Variants in GALNT17 observed in about 807,000 individuals in gnomAD.
GALNT17 encodes the protein UDP-GalNAc:polypeptide N-acetylgalactosaminyltransferase-like 3.
In GALNT17, 29 loss-of-function variants were observed where a neutral mutation model predicts 63.7. The ratio of observed to expected loss-of-function variants is 0.46; its 90% confidence interval spans 0.34 to 0.62. The LOEUF (loss-of-function observed/expected upper bound fraction) is 0.62, where lower values mean the gene tolerates loss of function less well. Among genes scored for constraint, GALNT17 ranks in the 20% least tolerant of loss-of-function variants. The pLI is 0.01. For synonymous variants in GALNT17, 305 were observed against 318.3 expected (o/e 0.96, Z 0.45); for missense variants, 603 against 799.6 (o/e 0.75, Z 2.97).
chr7:71,188,188 C>T (rs901928478), intron 1 of GALNT17, among the ~76,000 whole-genome samples: 5 of 152,030 alleles, frequency 3.3e-5, no homozygotes, highest in African/African-American at 4.8e-5. Flanking sequence ...CTGCCATAAA[C>T]GTGTGTGCAA....
chr7:71,638,450 A>C (rs1790559003), intron 6 of GALNT17, among the ~76,000 whole-genome samples: 1 of 152,180 alleles, frequency 6.6e-6, no homozygotes, highest in Non-Finnish European at 1.5e-5. Context: ...ATCAAGTCTT[A>C]GAGTGGTAGA....
intron 1 of GALNT17, among the ~76,000 whole-genome samples, chr7:71,157,412 C>T (rs1788255823): frequency 6.6e-6 from 1 of 151,862 alleles, no homozygotes; most frequent in Non-Finnish European, 1.5e-5. Context: ...AATCCCAGCA[C>T]TTCGGGAGGC....
At chr7:71,240,498 G>C (rs1464505032) in intron 1 of GALNT17, among the ~76,000 whole-genome samples, 2 of 152,040 alleles carry the variant, frequency 1.3e-5, no homozygotes, top group Non-Finnish European at 2.9e-5. Context: ...CCATTGTTTA[G>C]ATCCCACTTA....
At chr7:71,496,754 A>T (rs1469831827) in intron 5 of GALNT17, among the ~76,000 whole-genome samples, 5 of 150,842 alleles carry the variant, frequency 3.3e-5, no homozygotes, top group Admixed American at 3.3e-4. Flanking sequence ...AATATCAATC[A>T]CTGAAAATGA....
intron 1 of GALNT17, among the ~76,000 whole-genome samples, chr7:71,332,033 G>A (rs1316902902): frequency 6.6e-6 from 1 of 152,062 alleles, no homozygotes; most frequent in African/African-American, 2.4e-5. Context: ...GACTTTTGTG[G>A]GCCCAGAGAC....
intron 2 of GALNT17, among the ~76,000 whole-genome samples, chr7:71,339,032 A>T (rs1267530646): frequency 3.9e-5 from 6 of 152,166 alleles, no homozygotes; most frequent in Non-Finnish European, 8.8e-5. Flanking sequence ...TTATTTCCTG[A>T]TGCTCTCTCA....
At chr7:71,154,505 C>A (rs1788194675) in intron 1 of GALNT17, among the ~76,000 whole-genome samples, 1 of 152,146 alleles carries the variant, frequency 6.6e-6, no homozygotes, top group South Asian at 2.1e-4. Context: ...TATCCTTGTG[C>A]TTGATAAGCT....
At chr7:71,393,169 A>G (rs988291835) in intron 3 of GALNT17, among the ~76,000 whole-genome samples, 3 of 152,200 alleles carry the variant, frequency 2.0e-5, no homozygotes, top group Non-Finnish European at 4.4e-5. Context: ...CTTCATTAAT[A>G]GTGATGGTTG....
chr7:71,490,122 G>T (rs1787981525), intron 5 of GALNT17, among the ~76,000 whole-genome samples: 1 of 152,076 alleles, frequency 6.6e-6, no homozygotes, highest in East Asian at 1.9e-4. Context: ...AGCTGGGCGT[G>T]GTGGCGGCAC....
intron 1 of GALNT17, among the ~76,000 whole-genome samples, chr7:71,222,243 CT>C (rs1373613493): frequency 2.6e-5 from 4 of 151,828 alleles, no homozygotes; most frequent in South Asian, 4.1e-4. Context: ...AGTAATGTGC[CT>C]TATTTTCTGT....
intron 1 of GALNT17, among the ~76,000 whole-genome samples, chr7:71,141,986 T>G (rs976723999): frequency 6.9e-6 from 1 of 145,724 alleles, no homozygotes; most frequent in African/African-American, 2.6e-5. Flanking sequence ...AGTGCTGGGA[T>G]TTCAGGCATG....
At chr7:71,223,318 G>A (rs114760854) in intron 1 of GALNT17, among the ~76,000 whole-genome samples, 1 of 152,080 alleles carries the variant, frequency 6.6e-6, no homozygotes, top group Admixed American at 6.5e-5. Context: ...CTGTAAGGAA[G>A]AATTGTCCCT....
At chr7:71,466,426 A>G (rs1292922987) in intron 5 of GALNT17, among the ~76,000 whole-genome samples, 1 of 152,226 alleles carries the variant, frequency 6.6e-6, no homozygotes, top group Non-Finnish European at 1.5e-5. Flanking sequence ...ACTCTGGTAT[A>G]GTATCACATG....
chr7:71,527,258 T>C (rs2116769404), intron 5 of GALNT17, among the ~76,000 whole-genome samples: 1 of 152,320 alleles, frequency 6.6e-6, no homozygotes, highest in African/African-American at 2.4e-5. Flanking sequence ...TATAAAAATC[T>C]TGTAGAAAAA....
intron 6 of GALNT17, among the ~76,000 whole-genome samples, chr7:71,659,402 C>T (rs573984818): frequency 6.6e-6 from 1 of 152,350 alleles, no homozygotes; most frequent in East Asian, 1.9e-4. Context: ...CTTATGCACA[C>T]ACTGGCATTC....
intron 9 of GALNT17, among the ~76,000 whole-genome samples, chr7:71,689,135 T>C (rs1272254964): frequency 1.3e-5 from 2 of 152,134 alleles, no homozygotes; most frequent in Non-Finnish European, 2.9e-5. Flanking sequence ...TTGTGTGTGT[T>C]TGACGGCTCC....
At chr7:71,597,860 C>T (rs1265527107) in intron 6 of GALNT17, among the ~76,000 whole-genome samples, 4 of 152,174 alleles carry the variant, frequency 2.6e-5, no homozygotes, top group Non-Finnish European at 5.9e-5. Flanking sequence ...TTCTCAGTGC[C>T]CCTCAAAGTC....
At chr7:71,169,118 A>G (rs79856453) in intron 1 of GALNT17, among the ~76,000 whole-genome samples, 2,337 of 152,242 alleles carry the variant, frequency 0.015, 49 homozygotes, top group African/African-American at 0.053. Flanking sequence ...GGGAACCACT[A>G]CAGATCTCTG....
At chr7:71,689,643 A>G (rs1000703261) in intron 9 of GALNT17, among the ~76,000 whole-genome samples, 1 of 152,252 alleles carries the variant, frequency 6.6e-6, no homozygotes, top group African/African-American at 2.4e-5. Flanking sequence ...AGGGTGAAGC[A>G]GCAAGTGCTG....
Sources: allele counts gnomAD v4.1 joint callset (sites outside exome capture counted in the v4.1 genomes callset), GRCh38; gene constraint gnomAD v4.1.1; transcripts MANE v1.5; gene names NCBI Gene and HGNC (gene_info 2026-07-23, HGNC 2026-07-21).